MX2: variants seen among roughly 807,000 people sequenced by gnomAD.
MX2 encodes the protein MX dynamin like GTPase 2.
MX2 carries 51 observed loss-of-function variants against 74.0 expected under a neutral mutation model. That is an observed-to-expected ratio of 0.69 (90% confidence interval 0.55 to 0.87). MX2 has a LOEUF of 0.87. MX2 is among the 40% of genes least tolerant of loss of function. MX2 has a pLI of 0.00. For missense variants in MX2, 832 were observed against 908.7 expected (o/e 0.92, Z 1.09); for synonymous variants, 369 against 339.3 (o/e 1.09, Z -0.96).
In MX2 at chr21:41,368,297, C is replaced by T. The variant is rs1195891963; in HGVS notation, c.-72+6242C>T. 6.6e-6 allele frequency among the ~76,000 whole-genome samples: 1 copy of T among 152,208 alleles called. No individual in the cohort carries two copies. Among genetic ancestry groups the T allele is most frequent in the African/African-American group, 2.4e-5 (1 of 41,460 alleles). On this transcript the variant is annotated intron_variant, in intron 1 of 13. Transcript: ENST00000330714. The surrounding 1 kb of genome is among the most constrained non-coding windows in gnomAD (Gnocchi z 4.6). ...GGGCACCCAGCCAGCCGACAGGCTC[C>T]CGAGACAGTCCACTCACACAGACAC...
At chr21:41,372,351 G>A (rs2089336972) in intron 1 of MX2, among the ~76,000 whole-genome samples, 1 of 152,214 alleles carries the variant, frequency 6.6e-6, no homozygotes. Context: ...CAGGTGTTCT[G>A]AGATGACCAG....
intron 1 of MX2, chr21:41,373,887 C>T (rs376041355): frequency 1.3e-5 from 2 of 152,250 alleles, no homozygotes; most frequent in Non-Finnish European, 2.9e-5. Context: ...CTGCACCCCC[C>T]TCCTAAACAG....
chr21:41,372,742 A>G (rs1215501170), intron 1 of MX2, among the ~76,000 whole-genome samples: 1 of 152,162 alleles, frequency 6.6e-6, no homozygotes, highest in Non-Finnish European at 1.5e-5. Context: ...AGCAGCTCCA[A>G]ATGCCCATCT....
intron 12 of MX2, among the ~76,000 whole-genome samples, chr21:41,406,340 G>A (rs1041725803): frequency 6.6e-6 from 1 of 152,146 alleles, no homozygotes; most frequent in African/African-American, 2.4e-5. Context: ...GGGATTCCTG[G>A]GAAACAGGTA....
rs2089267638 is a variant in MX2 at position 41,366,608 on chromosome 21, G to A, written c.-72+4553G>A. 6.6e-6 allele frequency: 1 copy of A among 152,200 alleles called. No homozygotes were observed. Among genetic ancestry groups the A allele is most frequent in the Non-Finnish European group, 1.5e-5 (1 of 68,044 alleles). 9.4% of individuals were successfully genotyped at this position (152,200 alleles called of 1,614,324 possible). On this transcript the variant is annotated intron_variant, in intron 1 of 13. Coordinates refer to ENST00000330714, the MANE Select transcript of MX2 (RefSeq NM_002463.2). The surrounding 1 kb of genome is among the most constrained non-coding windows in gnomAD (Gnocchi z 4.5). ...GTCCTTCTCAGATGCTTTGGGTCCTGCCATTGAAAGGGAAGAAGAGAAGTC... is the reference window on the plus strand; with the variant it reads ...GTCCTTCTCAGATGCTTTGGGTCCTACCATTGAAAGGGAAGAAGAGAAGTC...
At position 41,366,612 on chromosome 21, in the gene MX2, T is replaced by C. The variant is rs939636854; in HGVS notation, c.-72+4557T>C. ...TTCTCAGATGCTTTGGGTCCTGCCA[T>C]TGAAAGGGAAGAAGAGAAGTCCCTT... On this transcript the variant is annotated intron_variant, in intron 1 of 13. Transcript: ENST00000330714. This position sits in a 1 kb window ranked among gnomAD's most constrained non-coding sequence, Gnocchi z 4.5. 2 of 152,180 alleles carry C rather than the reference T, an allele frequency of 1.3e-5. No individual in the cohort carries two copies. The highest frequency in any genetic ancestry group is 2.4e-5 in the African/African-American group (1 of 41,434). 9.4% of individuals were successfully genotyped at this position (152,180 alleles called of 1,614,324 possible).
intron 1 of MX2, among the ~76,000 whole-genome samples, chr21:41,362,934 C>A (rs1306667300): frequency 6.6e-6 from 1 of 151,416 alleles, no homozygotes; most frequent in East Asian, 1.9e-4. Context: ...AATTTTATTT[C>A]TTTTTGTAGA....
At chr21:41,395,948 A>ATGT (rs1226939863) in intron 7 of MX2, among the ~76,000 whole-genome samples, 163 bp downstream of exon 7, 2 of 152,204 alleles carry the variant, frequency 1.3e-5, no homozygotes, top group African/African-American at 4.8e-5. Context: ...ATTTAGACAA[A>ATGT]TTATTGTTTC....
chr21:41,397,763 C>G, intron 8 of MX2, 72 bp downstream of exon 8: 1 of 1,318,982 alleles, frequency 7.6e-7, no homozygotes, highest in Non-Finnish European at 1.1e-6. Flanking sequence ...CTGGAGTTGG[C>G]TAAGATGCCC....
intron 3 of MX2, among the ~76,000 whole-genome samples, chr21:41,378,857 C>T (rs572266730): frequency 1.3e-5 from 2 of 152,256 alleles, no homozygotes; most frequent in South Asian, 2.1e-4. Context: ...CAGCAGAGAG[C>T]GCCCAGCTCC....
intron 6 of MX2, among the ~76,000 whole-genome samples, chr21:41,391,818 T>C (rs1357249627): frequency 6.6e-6 from 1 of 152,114 alleles, no homozygotes; most frequent in Non-Finnish European, 1.5e-5. Flanking sequence ...TGGGATATTT[T>C]ATTTTATTGT....
chr21:41,380,118 G>A lies in MX2; in HGVS notation c.544G>A (p.Asp182Asn), dbSNP rs373011356. ...SYRNTELELQ[D>N]PGQVEKEIHK... Reference sequence around the variant, plus strand: ...CCGGAACACCGAGCTAGAGCTTCAGGACCCTGGCCAGGTGGAGAAAGAGAT... The same window carrying A: ...CCGGAACACCGAGCTAGAGCTTCAGAACCCTGGCCAGGTGGAGAAAGAGAT... Residue 182 changes from aspartate (D) to asparagine (N), a missense_variant, in exon 4 of 14, where the codon GAC (aspartate) becomes AAC (asparagine). By Grantham distance (23) the Asp-to-Asn change is conservative (BLOSUM62 1). Coordinates refer to ENST00000330714, the MANE Select transcript of MX2 (RefSeq NM_002463.2). The surrounding 1 kb of genome is among the most constrained non-coding windows in gnomAD (Gnocchi z 4.3). 5 of 1,613,804 alleles carry A rather than the reference G, an allele frequency of 3.1e-6. No homozygotes were observed. The highest frequency in any genetic ancestry group is 4.2e-6 in the Non-Finnish European group (5 of 1,179,834).
At chr21:41,401,863 A>G (rs2089818796) in intron 10 of MX2, 107 bp from the exon 11 acceptor site, 1 of 1,238,570 alleles carries the variant, frequency 8.1e-7, no homozygotes, top group Non-Finnish European at 1.1e-6. Context: ...ACTTTGCAAC[A>G]TTGCCTCTGC....
At chr21:41,365,665 T>A (rs575755112) in intron 1 of MX2, 18 of 152,340 alleles carry the variant, frequency 1.2e-4, no homozygotes, top group African/African-American at 3.8e-4. Flanking sequence ...GTCTTTGCTA[T>A]TGTAACGGTG....
chr21:41,365,397 T>G (rs2089257125), intron 1 of MX2: 1 of 152,182 alleles, frequency 6.6e-6, no homozygotes. Flanking sequence ...TACCCTTGAG[T>G]AGGCTCAGGT....
intron 1 of MX2, among the ~76,000 whole-genome samples, chr21:41,371,261 A>G (rs1261190263): frequency 6.6e-6 from 1 of 152,026 alleles, no homozygotes; most frequent in Non-Finnish European, 1.5e-5. Context: ...TTGCATCTGG[A>G]GGCTTTTGTG....
chr21:41,368,412 C>T lies in MX2; in HGVS notation c.-72+6357C>T, dbSNP rs956745475. Reference sequence around the variant, plus strand: ...CCCGAAACCTACATTCCTTACTCAACAGGCCCGTGTCAGAAAATCCTCCCT... The same window carrying T: ...CCCGAAACCTACATTCCTTACTCAATAGGCCCGTGTCAGAAAATCCTCCCT... On this transcript the variant is annotated intron_variant, in intron 1 of 13. Coordinates refer to ENST00000330714, the MANE Select transcript of MX2 (RefSeq NM_002463.2). This position sits in a 1 kb window ranked among gnomAD's most constrained non-coding sequence, Gnocchi z 4.6. Among the ~76,000 whole-genome samples, 1 of 152,202 alleles carries T rather than the reference C, an allele frequency of 6.6e-6. No homozygotes were observed. Among genetic ancestry groups the T allele is most frequent in the Non-Finnish European group, 1.5e-5 (1 of 68,036 alleles).
chr21:41,406,665 T>A, intron 12 of MX2, 79 bp from the exon 13 acceptor site: 2 of 1,423,706 alleles, frequency 1.4e-6, no homozygotes, highest in South Asian at 2.7e-5. Flanking sequence ...GAGTTCAACA[T>A]AATAGTACTT....
Position 41,408,622 on chromosome 21 carries a change from G to T in MX2, c.*389G>T. ...ATGTCCAGTCTCCTGCACAGCACCTGCAGCATTGTAACTGCTTAATAAATG... is the reference window on the plus strand; with the variant it reads ...ATGTCCAGTCTCCTGCACAGCACCTTCAGCATTGTAACTGCTTAATAAATG... On this transcript the variant is annotated 3_prime_UTR_variant, in exon 14 of 14. Coordinates refer to ENST00000330714, the MANE Select transcript of MX2 (RefSeq NM_002463.2). The T allele has an allele frequency of 5.3e-6, 1 of 190,320 alleles. No homozygotes were observed. Among genetic ancestry groups the T allele is most frequent in the South Asian group, 1.2e-4 (1 of 8,016 alleles). 11.8% of individuals were successfully genotyped at this position (190,320 alleles called of 1,614,324 possible).
Sources: gnomAD v4.1 joint callset for allele counts (sites outside exome capture counted in the v4.1 genomes callset) on GRCh38, gnomAD v4.1.1 for gene constraint, Gnocchi (gnomAD v3.1) non-coding constraint, MANE v1.5 for transcripts, NCBI Gene and HGNC (gene_info 2026-07-23, HGNC 2026-07-21) for gene names.